Variants in RIMS2 observed in about 807,000 individuals in gnomAD.
RIMS2 encodes the protein regulating synaptic membrane exocytosis 2.
A neutral mutation model predicts 174.4 loss-of-function variants in RIMS2; 59 were observed. The ratio of observed to expected loss-of-function variants is 0.34; its 90% CI spans 0.27 to 0.42. RIMS2 has a LOEUF of 0.42. RIMS2 is among the 10% of genes least tolerant of loss of function. RIMS2 has a pLI of 1.00. For synonymous variants in RIMS2, 606 were observed against 572.5 expected (o/e 1.06, Z -0.84); for missense variants, 1,620 against 1,666.3 (o/e 0.97, Z 0.48).
chr8:104,032,043 G>T (rs890797972), intron 19 of RIMS2, among the ~76,000 whole-genome samples: 1 of 151,870 alleles, frequency 6.6e-6, no homozygotes, highest in African/African-American at 2.4e-5. Flanking sequence ...AATACAGATG[G>T]TCATCCACTT....
At chr8:103,913,827 G>A (rs1446619136) in intron 6 of RIMS2, among the ~76,000 whole-genome samples, 1 of 152,110 alleles carries the variant, frequency 6.6e-6, no homozygotes, top group Non-Finnish European at 1.5e-5. Context: ...CACAAAGACA[G>A]CACCAAGCCA....
At chr8:103,809,077 G>A (rs2098669504) in intron 3 of RIMS2, among the ~76,000 whole-genome samples, 1 of 152,104 alleles carries the variant, frequency 6.6e-6, no homozygotes, top group Admixed American at 6.6e-5. Context: ...TGTGGCTACT[G>A]TTTCTTCTCC....
At chr8:103,940,875 C>CAAAAAAA (rs11284715) in intron 13 of RIMS2, among the ~76,000 whole-genome samples, 80 of 92,908 alleles carry the variant, frequency 8.6e-4, no homozygotes, top group Non-Finnish European at 1.3e-3. Flanking sequence ...GACTCCATCT[C>CAAAAAAA]AAAAAAAAAA....
intron 2 of RIMS2, among the ~76,000 whole-genome samples, chr8:103,754,191 G>C (rs1180702282): frequency 6.6e-5 from 10 of 152,142 alleles, no homozygotes. Context: ...TATGTACCCA[G>C]TAGTCATTCA....
chr8:103,982,170 C>G (rs1026745240), intron 16 of RIMS2, among the ~76,000 whole-genome samples: 2 of 151,916 alleles, frequency 1.3e-5, no homozygotes, highest in African/African-American at 4.8e-5. Context: ...TGCATAAACT[C>G]CTAGACACTT....
At chr8:103,962,144 C>G (rs2090333473) in intron 15 of RIMS2, among the ~76,000 whole-genome samples, 2 of 152,082 alleles carry the variant, frequency 1.3e-5, no homozygotes, top group East Asian at 1.9e-4. Flanking sequence ...AGGTTTTCTT[C>G]TTCCAAATTC....
chr8:103,701,206 C>A (rs2097162487), intron 2 of RIMS2, among the ~76,000 whole-genome samples: 1 of 151,912 alleles, frequency 6.6e-6, no homozygotes, highest in South Asian at 2.1e-4. Context: ...ATTTTGCCTT[C>A]ATTTTTTAAA....
chr8:103,689,707 A>G (rs1590383063), intron 1 of RIMS2, among the ~76,000 whole-genome samples: 1 of 152,114 alleles, frequency 6.6e-6, no homozygotes, highest in Non-Finnish European at 1.5e-5. Flanking sequence ...CTTTTGCAAT[A>G]GGAAATCACG....
chr8:103,858,541 C>A (rs377633536), intron 3 of RIMS2, among the ~76,000 whole-genome samples: 4 of 151,818 alleles, frequency 2.6e-5, no homozygotes, highest in South Asian at 4.2e-4. Flanking sequence ...ATTTTTATTT[C>A]TCCTAGCTGA....
intron 11 of RIMS2, among the ~76,000 whole-genome samples, chr8:103,930,165 T>C (rs1410336559): frequency 6.6e-6 from 1 of 152,030 alleles, no homozygotes; most frequent in East Asian, 1.9e-4. Context: ...ATAAAAGGGC[T>C]GATTCCATTT....
At chr8:103,987,499 T>C (rs2094443856) in intron 16 of RIMS2, among the ~76,000 whole-genome samples, 1 of 152,150 alleles carries the variant, frequency 6.6e-6, no homozygotes, top group African/African-American at 2.4e-5. Context: ...CCACCTACAC[T>C]TCATAAAGGC....
chr8:103,655,109 T>C (rs2096510673), intron 1 of RIMS2, among the ~76,000 whole-genome samples: 1 of 151,944 alleles, frequency 6.6e-6, no homozygotes, highest in Non-Finnish European at 1.5e-5. Flanking sequence ...ATTATAGATA[T>C]AAGTAGACTA....
chr8:104,069,931 T>C (rs2097169576), intron 19 of RIMS2, among the ~76,000 whole-genome samples: 1 of 152,234 alleles, frequency 6.6e-6, no homozygotes, highest in Non-Finnish European at 1.5e-5. Context: ...GTAGCTGTTA[T>C]ATGCTGTTAT....
At chr8:104,094,884 A>G (rs1238914427) in intron 19 of RIMS2, among the ~76,000 whole-genome samples, 3 of 152,116 alleles carry the variant, frequency 2.0e-5, no homozygotes, top group Admixed American at 1.3e-4. Flanking sequence ...AACTATTATC[A>G]AATAGATTGA....
At chr8:103,536,232 GAAAC>G (rs1839696375) in intron 1 of RIMS2, among the ~76,000 whole-genome samples, 1 of 152,092 alleles carries the variant, frequency 6.6e-6, no homozygotes, top group African/African-American at 2.4e-5. Flanking sequence ...TGTGTTAGCA[GAAAC>G]AAACAAGGGC....
At chr8:103,579,375 TATAAAACCTACTG>T (rs2093466603) in intron 1 of RIMS2, among the ~76,000 whole-genome samples, 2 of 152,020 alleles carry the variant, frequency 1.3e-5, no homozygotes, top group Admixed American at 6.6e-5. Flanking sequence ...CATCTGAAGG[TATAAAACCTACTG>T]ATAAAATTAA....
At chr8:103,815,974 T>A (rs1286442868) in intron 3 of RIMS2, among the ~76,000 whole-genome samples, 1 of 152,176 alleles carries the variant, frequency 6.6e-6, no homozygotes, top group Non-Finnish European at 1.5e-5. Flanking sequence ...CTAGTTTGGG[T>A]TGGAGTCAGT....
At chr8:104,193,985 A>G (rs1228954151) in intron 19 of RIMS2, among the ~76,000 whole-genome samples, 1 of 152,208 alleles carries the variant, frequency 6.6e-6, no homozygotes, top group Non-Finnish European at 1.5e-5. Context: ...GGAAGAATCT[A>G]GAATACCTCA....
At chr8:104,089,308 C>T (rs1449729736) in intron 19 of RIMS2, among the ~76,000 whole-genome samples, 6 of 151,754 alleles carry the variant, frequency 4.0e-5, no homozygotes, top group Non-Finnish European at 8.8e-5. Flanking sequence ...AGCTCATTAC[C>T]TTGGTATAAT....
Sources: gnomAD v4.1 joint callset for allele counts (sites outside exome capture counted in the v4.1 genomes callset) on GRCh38, gnomAD v4.1.1 for gene constraint, MANE v1.5 for transcripts, NCBI Gene and HGNC (gene_info 2026-07-23, HGNC 2026-07-21) for gene names.